The following PSMD6 variants were observed in gnomAD, a reference collection of about 807,000 sequenced individuals.
The protein encoded by PSMD6 is proteasome 26S subunit, non-ATPase 6.
A neutral mutation model predicts 44.9 loss-of-function variants in PSMD6; 7 were observed. That is an observed-to-expected ratio of 0.16 (90% CI 0.09 to 0.29). The LOEUF is 0.29. Ranked by LOEUF, PSMD6 falls within the 10% of genes least tolerant of loss-of-function variation. The probability of loss-of-function intolerance (pLI) is 1.00; values close to 1 mark genes in which losing one functional copy is unlikely to be tolerated. For missense variants in PSMD6, 420 were observed against 482.6 expected, an observed-to-expected ratio of 0.87 and a Z score of 1.21; for synonymous variants, 184 against 172.7, an observed-to-expected ratio of 1.07 and a Z score of -0.51.
At chr3:64,013,339 A>T in intron 6 of PSMD6, 100 bp downstream of exon 6, 1 of 1,243,346 alleles carries the variant, frequency 8.0e-7, no homozygotes, top group East Asian at 2.5e-5. Context: ...CCCCGTTAAG[A>T]TTGAGGGAAC....
chr3:64,022,873 G>C, intron 1 of PSMD6: 10 of 1,516,498 alleles, frequency 6.6e-6, no homozygotes, highest in Non-Finnish European at 8.8e-6. Flanking sequence ...ATTCACTACA[G>C]AAGGGCCAGA....
At chr3:64,019,101 T>C in intron 3 of PSMD6, 64 bp from the exon 4 acceptor site, 1 of 1,476,182 alleles carries the variant, frequency 6.8e-7, no homozygotes, top group South Asian at 1.2e-5. Flanking sequence ...TAAAAACTTG[T>C]CTGTTATTTG....
chr3:64,019,514 T>A, intron 2 of PSMD6, 73 bp from the exon 3 acceptor site: 1 of 1,499,766 alleles, frequency 6.7e-7, no homozygotes. Flanking sequence ...CTGTCTGGGA[T>A]TTTCTTCAAA....
upstream of PSMD6, chr3:64,023,947 G>A (rs1436143290): frequency 6.0e-6 from 5 of 830,022 alleles, no homozygotes; most frequent in Non-Finnish European, 9.1e-6. Context: ...TCATGTAACA[G>A]CCATGTCGCA....
At chr3:64,023,022 C>A in intron 1 of PSMD6, 1 of 1,423,740 alleles carries the variant, frequency 7.0e-7, no homozygotes, top group Non-Finnish European at 9.2e-7. Context: ...ATATTAATGC[C>A]TCACGATTCT....
rs536405941 is a variant in PSMD6 at position 64,021,062 on chromosome 3, T to C, written c.351+1256A>G. On this transcript the variant is annotated intron_variant, in intron 2 of 7. Coordinates refer to ENST00000295901, the MANE Select transcript of PSMD6 (RefSeq NM_014814.3). ...TATGCAGAACAACTGGCCACACATA[T>C]TTAAAAAAAAGAAGAAAAAAAAAAA... 2.7e-3 allele frequency among the ~76,000 whole-genome samples: 405 copies of C among 152,122 alleles called. 2 individuals carry two copies. The highest frequency in any genetic ancestry group is 9.2e-3 in the African/African-American group (382 of 41,496).
chr3:64,023,065 C>T, intron 1 of PSMD6: 2 of 1,429,058 alleles, frequency 1.4e-6, no homozygotes, highest in Non-Finnish European at 1.8e-6. Context: ...GAAGGCGGCA[C>T]AGAGAGATGC....
At chr3:64,014,518 T>C (rs2076014175) in intron 5 of PSMD6, 1 of 152,082 alleles carries the variant, frequency 6.6e-6, no homozygotes, top group Non-Finnish European at 1.5e-5. Flanking sequence ...TACAAAAGTC[T>C]GAAGGCAGGA....
rs2076084789 is a variant in PSMD6 at position 64,018,654 on chromosome 3, C to A, written c.771G>T (p.Arg257=). Residue 257 remains arginine, a synonymous_variant, in exon 5 of 8, where the codon CGG becomes CGT. Transcript: ENST00000295901. ...ATTCATAGAGTGAAAACAGATACTG[C>A]CGAACTGCTGGAAGACTGTGCAACA... ...LEVLHSLPAV[R]QYLFSLYECR... is the part of the protein sequence containing the mutation. 1 of 1,606,684 alleles carries A rather than the reference C, an allele frequency of 6.2e-7. No homozygotes were observed. The highest frequency in any genetic ancestry group is 8.5e-7 in the Non-Finnish European group (1 of 1,173,334).
In PSMD6 at chr3:64,010,758, A is replaced by G. The variant is rs1218265078; in HGVS notation, c.1080T>C (p.Asp360=). 2 of 1,604,642 alleles carry G rather than the reference A, an allele frequency of 1.2e-6. No homozygotes were observed. The highest frequency in any genetic ancestry group is 1.1e-5 in the South Asian group (1 of 90,594). ...TTTCTTGGTACTGCCAGTTCTTGCT[A>G]TCAGGTCTATAAATAAATTCAAGAA... ...VNEIVETNRP[D]SKNWQYQETI... Residue 360 remains aspartate, a synonymous_variant, in exon 8 of 8, where the codon GAT becomes GAC. Transcript: ENST00000295901.
chr3:64,023,133 C>G (rs962455170), intron 1 of PSMD6, 142 bp downstream of exon 1: 3 of 1,424,348 alleles, frequency 2.1e-6, no homozygotes, highest in East Asian at 2.6e-5. Context: ...AAGCAAAACC[C>G]TAAGGGCCGG....
At chr3:64,016,978 A>G (rs936029471) in intron 5 of PSMD6, 2 of 152,238 alleles carry the variant, frequency 1.3e-5, no homozygotes, top group African/African-American at 4.8e-5. Context: ...GCTATAAAAC[A>G]AAATGAAATA....
intron 2 of PSMD6, 110 bp from the exon 3 acceptor site, chr3:64,019,551 G>A (rs1007102869): frequency 3.4e-6 from 4 of 1,182,728 alleles, no homozygotes; most frequent in East Asian, 4.9e-5. Flanking sequence ...AGGAGTAGAA[G>A]TACAACAAGA....
rs1270644215 is a variant in PSMD6 at position 64,023,149 on chromosome 3, C to A, written c.145+126G>T. On this transcript the variant is annotated intron_variant, in intron 1 of 7. Coordinates refer to ENST00000295901, the MANE Select transcript of PSMD6 (RefSeq NM_014814.3). ...AGCAAAACCCTAAGGGCCGGAGAAG[C>A]CAGGCCTGGTCTCTGAGACCCCGTC... The A allele has an allele frequency of 2.8e-6, 4 of 1,425,658 alleles. No homozygotes were observed. The Admixed American group carries it at 1.2e-4, about 42-fold the overall frequency. 88.3% of individuals were successfully genotyped at this position (1,425,658 alleles called of 1,614,324 possible).
chr3:64,019,530 A>AG, intron 2 of PSMD6, 89 bp from the exon 3 acceptor site: 1 of 1,415,226 alleles, frequency 7.1e-7, no homozygotes, highest in South Asian at 1.3e-5. Context: ...TCAAAGGTTG[A>AG]GGGAAGAGGT....
intron 5 of PSMD6, chr3:64,016,844 C>G (rs552887049): frequency 1.3e-5 from 2 of 152,198 alleles, no homozygotes; most frequent in Non-Finnish European, 1.5e-5. Context: ...ACAGAAAAAG[C>G]TGTACACAAA....
chr3:64,017,847 T>G (rs1368038235), intron 5 of PSMD6: 3 of 152,188 alleles, frequency 2.0e-5, no homozygotes, highest in Non-Finnish European at 2.9e-5. Context: ...AAACAAAATA[T>G]ATCAATGTCA....
chr3:64,015,937 C>G (rs1017926964), intron 5 of PSMD6: 1 of 152,034 alleles, frequency 6.6e-6, no homozygotes, highest in African/African-American at 2.4e-5. Context: ...GTCTATAATC[C>G]TGCACTTTGA....
intron 6 of PSMD6, chr3:64,012,609 T>TAA (rs2075977232): frequency 1.3e-5 from 2 of 151,998 alleles, no homozygotes; most frequent in African/African-American, 4.8e-5. Flanking sequence ...CCTACCTAAC[T>TAA]CTCCATATAT....
Sources: gnomAD v4.1 joint callset for allele counts (sites outside exome capture counted in the v4.1 genomes callset) on GRCh38, gnomAD v4.1.1 for gene constraint, MANE v1.5 for transcripts, NCBI Gene and HGNC (gene_info 2026-07-23, HGNC 2026-07-21) for gene names.